PDE8B: variants seen among roughly 807,000 people sequenced by gnomAD.
PDE8B encodes the protein high affinity cAMP-specific and IBMX-insensitive 3',5'-cyclic phosphodiesterase 8B.
Under a neutral mutation model 101.3 loss-of-function variants are expected in PDE8B, and 26 were observed. The ratio of observed to expected loss-of-function variants is 0.26; its 90% CI spans 0.19 to 0.36. PDE8B has a LOEUF of 0.36. Among genes scored for constraint, PDE8B ranks in the 10% least tolerant of loss-of-function variants. The probability of loss-of-function intolerance (pLI) is 1.00; values close to 1 mark genes in which losing one functional copy is unlikely to be tolerated. For missense variants in PDE8B, 810 were observed against 1,163.1 expected, an observed-to-expected ratio of 0.70 and a Z score of 4.42; for synonymous variants, 424 against 429.3, an observed-to-expected ratio of 0.99 and a Z score of 0.15.
At chr5:77,275,184 C>A (rs1419616114) in intron 1 of PDE8B, among the ~76,000 whole-genome samples, 1 of 151,968 alleles carries the variant, frequency 6.6e-6, no homozygotes, top group Non-Finnish European at 1.5e-5. Context: ...AATAGTGAGA[C>A]CCCATCTTTT....
intron 1 of PDE8B, among the ~76,000 whole-genome samples, chr5:77,286,856 G>T (rs1232642020): frequency 6.6e-6 from 1 of 151,588 alleles, no homozygotes; most frequent in Non-Finnish European, 1.5e-5. Flanking sequence ...TACCCTTTTT[G>T]TAATTAGTAG....
chr5:77,403,909 C>T (rs989621358), intron 11 of PDE8B, among the ~76,000 whole-genome samples: 1 of 152,080 alleles, frequency 6.6e-6, no homozygotes, highest in African/African-American at 2.4e-5. Context: ...ACCTCTGCCT[C>T]CCAGGTTCAA....
intron 1 of PDE8B, among the ~76,000 whole-genome samples, chr5:77,288,721 GA>G (rs1350081189): frequency 1.3e-5 from 2 of 152,064 alleles, no homozygotes; most frequent in Admixed American, 6.5e-5. Flanking sequence ...TTACAAAACT[GA>G]TATCCATAGA....
the PDE8B span, among the ~76,000 whole-genome samples, chr5:77,174,469 T>A: frequency 1.3e-5 from 2 of 152,142 alleles, no homozygotes. Flanking sequence ...TTATTAATTA[T>A]CTCTCTCTCC....
chr5:77,265,206 G>A lies in PDE8B; in HGVS notation c.340-46788G>A, dbSNP rs531246068. Among the ~76,000 whole-genome samples, 7 of 152,238 alleles carry A rather than the reference G, an allele frequency of 4.6e-5. No homozygotes were observed. The South Asian group carries it at 1.0e-3, about 23-fold the overall frequency. Reference sequence around the variant, plus strand: ...GGGCGATGCTATACTGTAAATATCAGCTAACCCAGAAACCAAGACATCACA... The same window carrying A: ...GGGCGATGCTATACTGTAAATATCAACTAACCCAGAAACCAAGACATCACA... On this transcript the variant is annotated intron_variant, in intron 1 of 21. Transcript: ENST00000264917.
chr5:77,250,029 C>A (rs1014147328), intron 1 of PDE8B, among the ~76,000 whole-genome samples: 5 of 152,296 alleles, frequency 3.3e-5, no homozygotes, highest in African/African-American at 1.2e-4. Flanking sequence ...TAATTGCTTC[C>A]ATTTTAAAGA....
upstream of PDE8B, among the ~76,000 whole-genome samples, chr5:77,206,219 A>G (rs1009973409): frequency 2.0e-5 from 3 of 152,192 alleles, no homozygotes; most frequent in African/African-American, 7.2e-5. Context: ...ACTGTTCCAA[A>G]AGTATGGGAT....
chr5:77,250,050 G>A lies in PDE8B; in HGVS notation c.339+38786G>A, dbSNP rs537607192. Among the ~76,000 whole-genome samples, 21 of 152,244 alleles carry A rather than the reference G, an allele frequency of 1.4e-4. No individual in the cohort carries two copies. In the South Asian group the frequency reaches 2.5e-3, roughly 18 times the overall value. ...CTTCCATTTTAAAGAGAAAAACAACGTAATAAGACTAAGATCTAAAAGGAA... is the reference window on the plus strand; with the variant it reads ...CTTCCATTTTAAAGAGAAAAACAACATAATAAGACTAAGATCTAAAAGGAA... On this transcript the variant is annotated intron_variant, in intron 1 of 21. Transcript: ENST00000264917.
chr5:77,091,289 C>A, the PDE8B span, among the ~76,000 whole-genome samples: 1 of 152,174 alleles, frequency 6.6e-6, no homozygotes, highest in Non-Finnish European at 1.5e-5. Context: ...ATATCCCATG[C>A]ACCCCATAAA....
intron 1 of PDE8B, among the ~76,000 whole-genome samples, chr5:77,239,339 A>C (rs192898560): frequency 6.3e-4 from 96 of 152,352 alleles, no homozygotes; most frequent in Non-Finnish European, 1.3e-4. Flanking sequence ...CCCAGTGGCC[A>C]GTCTGTGACC....
At chr5:77,374,020 TTG>T (rs1299238502) in intron 10 of PDE8B, among the ~76,000 whole-genome samples, 4 of 152,098 alleles carry the variant, frequency 2.6e-5, no homozygotes, top group East Asian at 1.9e-4. Flanking sequence ...CCAGCTAATT[TTG>T]TGTTTTTAGT....
intron 1 of PDE8B, among the ~76,000 whole-genome samples, chr5:77,242,107 C>A (rs185159585): frequency 6.6e-6 from 1 of 152,094 alleles, no homozygotes; most frequent in African/African-American, 2.4e-5. Flanking sequence ...TAAAACCTGG[C>A]GAGAATGCAT....
Position 77,411,696 on chromosome 5 carries a change from A to T in PDE8B, c.1551A>T (p.Ser517=), listed in dbSNP as rs755600161. The T allele has an allele frequency of 2.4e-5, 39 of 1,612,076 alleles. No homozygotes were observed. In the Middle Eastern group the frequency reaches 5.0e-4, roughly 20 times the overall value. ...GLMTDGLRRL[S]GNEYVFTKNV... is the part of the protein sequence containing the mutation. ...TCCAGGACGGCTTGAGAAGACTGTC[A>T]GGAAACGAGTATGTGTTTACTAAGA... is the stretch of plus-strand genomic sequence containing the variant. The change falls in exon 15 of 22, where the codon TCA becomes TCT. Residue 517 remains serine (S), a synonymous_variant. Transcript: ENST00000264917.
At chr5:77,198,158 G>A in the PDE8B span, among the ~76,000 whole-genome samples, 2 of 152,062 alleles carry the variant, frequency 1.3e-5, no homozygotes, top group Non-Finnish European at 2.9e-5. Context: ...GCTTTTAAAG[G>A]TAGGTCTGCA....
chr5:77,202,818 A>G, the PDE8B span, among the ~76,000 whole-genome samples: 1 of 152,140 alleles, frequency 6.6e-6, no homozygotes, highest in African/African-American at 2.4e-5. Context: ...GGGTTTCACC[A>G]TGTGAAAGTG....
At chr5:77,210,242 A>C (rs1747947488), upstream of PDE8B, among the ~76,000 whole-genome samples, 1 of 151,862 alleles carries the variant, frequency 6.6e-6, no homozygotes, top group South Asian at 2.1e-4. The surrounding 1 kb of genome is among the most constrained non-coding windows in gnomAD (Gnocchi z 4.9). Flanking sequence ...AGAAGAGACG[A>C]GGCCTCTGGA....
chr5:77,262,187 C>G (rs898691630), intron 1 of PDE8B, among the ~76,000 whole-genome samples: 1 of 148,470 alleles, frequency 6.7e-6, no homozygotes, highest in African/African-American at 2.6e-5. Flanking sequence ...AGTGAGTGTG[C>G]CTGGTAAAAA....
At position 77,349,568 on chromosome 5, in the gene PDE8B, C is replaced by T. The variant is rs761625157; in HGVS notation, c.1017+9C>T. On this transcript the variant is annotated intron_variant, in intron 8 of 21. Coordinates refer to ENST00000264917, the MANE Select transcript of PDE8B (RefSeq NM_003719.5). ...GCATCAAGAAGGGAAAGGTGGGTTA[C>T]ACCAGCAAAACCAATCCACGAACCC... The T allele has an allele frequency of 6.2e-7, 1 of 1,614,112 alleles. No individual in the cohort carries two copies. The highest frequency in any genetic ancestry group is 1.7e-5 in the Admixed American group (1 of 60,028).
chr5:77,376,793 G>T (rs986526494), intron 10 of PDE8B, among the ~76,000 whole-genome samples: 1 of 152,090 alleles, frequency 6.6e-6, no homozygotes, highest in Non-Finnish European at 1.5e-5. Context: ...CTAAGCTCTG[G>T]GCCTGAGGAT....
Sources: gnomAD v4.1 joint callset for allele counts (sites outside exome capture counted in the v4.1 genomes callset) on GRCh38, gnomAD v4.1.1 for gene constraint, Gnocchi (gnomAD v3.1) non-coding constraint, MANE v1.5 for transcripts, NCBI Gene and HGNC (gene_info 2026-07-23, HGNC 2026-07-21) for gene names.